DNAJC11: variants seen among roughly 807,000 people sequenced by gnomAD.
DNAJC11 encodes the protein dnaJ homolog subfamily C member 11.
In DNAJC11, 15 loss-of-function variants were observed where a neutral mutation model predicts 78.6. The ratio of observed to expected loss-of-function variants is 0.19; its 90% CI spans 0.13 to 0.29. The LOEUF (loss-of-function observed/expected upper bound fraction) is 0.29. DNAJC11 is among the 10% of genes least tolerant of loss of function. The pLI, the probability that DNAJC11 is intolerant of heterozygous loss-of-function variation, is 1.00. For synonymous variants in DNAJC11, 292 were observed against 272.1 expected (o/e 1.07, Z -0.72); for missense variants, 547 against 709.6 (o/e 0.77, Z 2.60).
At chr1:6,646,467 T>G (rs1324474472) in intron 7 of DNAJC11, among the ~76,000 whole-genome samples, 1 of 152,100 alleles carries the variant, frequency 6.6e-6, no homozygotes, top group Non-Finnish European at 1.5e-5. Context: ...TCCCAATGAT[T>G]CCAATGTGCA....
Position 6,695,627 on chromosome 1 carries a change from T to TAAAAAAAAAAA in DNAJC11, c.72+6091_72+6101dup, listed in dbSNP as rs70984004. 2.5e-4 allele frequency among the ~76,000 whole-genome samples: 21 copies of TAAAAAAAAAAA among 83,004 alleles called. 1 individual carries two copies. Among genetic ancestry groups the TAAAAAAAAAAA allele is most frequent in the African/African-American group, 5.8e-4 (13 of 22,472 alleles). 54.5% of individuals were successfully genotyped at this position (83,004 alleles called of 152,430 possible). ...CAACATAGTGAAACCCTATCTCTAC[T>TAAAAAAAAAAA]AAAAAAAAAAAAAAAAAAAAAAAAA... On this transcript the variant is annotated intron_variant, in intron 1 of 15. Transcript: ENST00000377577.
chr1:6,651,625 A>C, intron 6 of DNAJC11, 23 bp from the exon 7 acceptor site: 1 of 1,603,734 alleles, frequency 6.2e-7, no homozygotes, highest in Admixed American at 1.7e-5. Flanking sequence ...GAAAAAGAGA[A>C]GGCATTAATG....
intron 9 of DNAJC11, 98 bp downstream of exon 9, chr1:6,644,943 A>T (rs1236651381): frequency 1.7e-6 from 2 of 1,154,262 alleles, no homozygotes; most frequent in Non-Finnish European, 2.6e-6. Flanking sequence ...ACACACGTAG[A>T]TATTCACACG....
chr1:6,662,256 C>T (rs912230661), intron 4 of DNAJC11, among the ~76,000 whole-genome samples: 2 of 151,612 alleles, frequency 1.3e-5, no homozygotes, highest in Admixed American at 6.6e-5. Flanking sequence ...TGCAGTGGCG[C>T]GATCTCGGCT....
chr1:6,697,385 G>C (rs1642854247), intron 1 of DNAJC11, among the ~76,000 whole-genome samples: 2 of 152,194 alleles, frequency 1.3e-5, no homozygotes, highest in South Asian at 4.1e-4. Context: ...CCACAGACTA[G>C]TGGGAGTGGA....
intron 10 of DNAJC11, among the ~76,000 whole-genome samples, chr1:6,640,500 T>C (rs1440435111): frequency 2.0e-5 from 3 of 152,194 alleles, no homozygotes; most frequent in Non-Finnish European, 4.4e-5. Context: ...CTGAGTAAAG[T>C]AGCTCCTATT....
chr1:6,668,622 C>T (rs565460518), intron 3 of DNAJC11, among the ~76,000 whole-genome samples: 6 of 151,980 alleles, frequency 3.9e-5, no homozygotes, highest in South Asian at 2.1e-4. Flanking sequence ...GTTGTAGAAA[C>T]GGGGTCTTGC....
intron 1 of DNAJC11, among the ~76,000 whole-genome samples, chr1:6,692,219 GATC>G (rs1642757464): frequency 6.6e-6 from 1 of 152,194 alleles, no homozygotes; most frequent in Non-Finnish European, 1.5e-5. Context: ...CTGGCTTATA[GATC>G]ATTAAAGAAA....
chr1:6,684,010 C>T (rs2147880802), intron 1 of DNAJC11, among the ~76,000 whole-genome samples: 1 of 152,122 alleles, frequency 6.6e-6, no homozygotes. Flanking sequence ...TAATCTTTTC[C>T]AGGTAGGTTT....
At chr1:6,659,854 G>A (rs1443578372) in intron 4 of DNAJC11, among the ~76,000 whole-genome samples, 17 of 151,958 alleles carry the variant, frequency 1.1e-4, no homozygotes, top group South Asian at 2.1e-4. Context: ...TCAGGAGATC[G>A]AAACCATCCT....
chr1:6,695,642 A>AT (rs1642823564), intron 1 of DNAJC11, among the ~76,000 whole-genome samples: 1 of 147,780 alleles, frequency 6.8e-6, no homozygotes, highest in South Asian at 2.2e-4. Context: ...AAAAAAAAAA[A>AT]AAAAAAAAAA....
chr1:6,660,832 G>A (rs1314018021), intron 4 of DNAJC11, among the ~76,000 whole-genome samples: 1 of 152,138 alleles, frequency 6.6e-6, no homozygotes, highest in Non-Finnish European at 1.5e-5. Context: ...TGATAAACAC[G>A]TCTTCACTGA....
chr1:6,660,347 CG>C (rs1167681395), intron 4 of DNAJC11, among the ~76,000 whole-genome samples: 1 of 151,740 alleles, frequency 6.6e-6, no homozygotes, highest in Non-Finnish European at 1.5e-5. Flanking sequence ...AGTAGAGACG[CG>C]GTTTTGCCAT....
chr1:6,687,182 A>G (rs1188934755), intron 1 of DNAJC11, among the ~76,000 whole-genome samples: 1 of 152,138 alleles, frequency 6.6e-6, no homozygotes, highest in African/African-American at 2.4e-5. Flanking sequence ...AGGGTGTCAC[A>G]TATTATTTGG....
intron 1 of DNAJC11, among the ~76,000 whole-genome samples, chr1:6,692,541 G>C (rs866657213): frequency 4.6e-5 from 7 of 151,566 alleles, no homozygotes; most frequent in African/African-American, 1.5e-4. Context: ...CACAAGTTCA[G>C]AGAGATCACT....
At position 6,634,462 on chromosome 1, in the gene DNAJC11, C is replaced by A; in HGVS notation, c.*1213G>T. On this transcript the variant is annotated 3_prime_UTR_variant, in exon 16 of 16. Coordinates refer to ENST00000377577, the MANE Select transcript of DNAJC11 (RefSeq NM_018198.4). The stretch of plus-strand genomic sequence containing the variant: ...ACCAGTGCTGGGGAGGGAGGCCTGA[C>A]TTCAGCAACAGCTGTGGGTGGGCTG... 1 of 1,307,522 alleles carries A rather than the reference C, an allele frequency of 7.6e-7. No individual in the cohort carries two copies. Among genetic ancestry groups the A allele is most frequent in the East Asian group, 5.0e-5 (1 of 20,054 alleles). The allele number at this position is 1,307,522 out of a possible 1,614,324, so 81.0% of individuals were successfully genotyped here.
chr1:6,660,166 T>G (rs1642187126), intron 4 of DNAJC11, among the ~76,000 whole-genome samples: 1 of 150,806 alleles, frequency 6.6e-6, no homozygotes, highest in African/African-American at 2.4e-5. Flanking sequence ...ATATAATTTT[T>G]TTTTTTTTGA....
intron 10 of DNAJC11, among the ~76,000 whole-genome samples, chr1:6,643,612 C>T (rs773086698): frequency 2.6e-5 from 4 of 152,050 alleles, no homozygotes; most frequent in Admixed American, 1.3e-4. Context: ...AAGGAGAGGA[C>T]AGTGACTAGA....
rs577646218 is a variant in DNAJC11 at position 6,634,980 on chromosome 1, C to T, written c.*695G>A. ...GGCAGGGCGTTTTCCCACCGGGATA[C>T]GGGAAGCCACCTGTGTCAGGGCTAG... On this transcript the variant is annotated 3_prime_UTR_variant, in exon 16 of 16. Transcript: ENST00000377577. 3.6e-4 allele frequency: 278 copies of T among 777,954 alleles called. 3 individuals carry two copies. The South Asian group carries it at 5.2e-3, about 15-fold the overall frequency. The allele number at this position is 777,954 out of a possible 1,614,324, so 48.2% of individuals were successfully genotyped here.
Sources: gnomAD v4.1 joint callset for allele counts (sites outside exome capture counted in the v4.1 genomes callset) on GRCh38, gnomAD v4.1.1 for gene constraint, MANE v1.5 for transcripts, NCBI Gene and HGNC (gene_info 2026-07-23, HGNC 2026-07-21) for gene names.